The following FMO1 variants were observed in gnomAD, a reference collection of about 807,000 sequenced individuals.
FMO1 encodes the protein flavin containing dimethylaniline monoxygenase 1, also known as flavin-containing monooxygenase 1.
FMO1 carries 36 observed loss-of-function variants against 45.4 expected under a neutral mutation model. The observed-to-expected ratio is 0.79, with a 90% CI of 0.61 to 1.05. The LOEUF is 1.05. Ranked by LOEUF, FMO1 falls within the 50% of genes least tolerant of loss-of-function variation. The pLI is 0.00. For missense variants in FMO1, 615 were observed against 640.3 expected (o/e 0.96, Z 0.43); for synonymous variants, 228 against 227.2 (o/e 1.00, Z -0.03).
chr1:171,270,445 T>C (rs1660802257), intron 3 of FMO1: 1 of 281,972 alleles, frequency 3.5e-6, no homozygotes, highest in African/African-American at 2.3e-5. Context: ...AAGCAAAGAC[T>C]AGCTTCCCCT....
At position 171,279,435 on chromosome 1, in the gene FMO1, A is replaced by T. The variant is rs1231282867; in HGVS notation, c.627+564A>T. ...GTACTGTTAGTATCCTTGACTGCAC[A>T]TGAGGAAACCAAGGCTTAGAGAAGT... On this transcript the variant is annotated intron_variant, in intron 5 of 8. Coordinates refer to ENST00000617670, the MANE Select transcript of FMO1 (RefSeq NM_001282693.2). Among the ~76,000 whole-genome samples, 3 of 152,306 alleles carry T rather than the reference A, an allele frequency of 2.0e-5. No homozygotes were observed. The East Asian group carries it at 5.8e-4, about 29-fold the overall frequency.
At chr1:171,270,584 T>C (rs746261589) in intron 3 of FMO1, 11 of 986,262 alleles carry the variant, frequency 1.1e-5, no homozygotes, top group Non-Finnish European at 1.3e-5. Flanking sequence ...CAGAGTGGTA[T>C]TCAGTTAACA....
chr1:171,276,421 A>G (rs917596810), intron 4 of FMO1, among the ~76,000 whole-genome samples: 2 of 152,220 alleles, frequency 1.3e-5, no homozygotes, highest in African/African-American at 4.8e-5. Flanking sequence ...GAGAGGCTCC[A>G]TAGCCTCTTC....
chr1:171,282,142 A>G lies in FMO1; in HGVS notation c.992A>G (p.Tyr331Cys). 1 of 1,614,012 alleles carries G rather than the reference A, an allele frequency of 6.2e-7. No individual in the cohort carries two copies. Among genetic ancestry groups the G allele is most frequent in the Non-Finnish European group, 8.5e-7 (1 of 1,179,898 alleles). The change falls in exon 7 of 9, where the codon TAC becomes TGC. Residue 331 changes from tyrosine (Y) to cysteine (C), a missense_variant. Coordinates refer to ENST00000617670, the MANE Select transcript of FMO1 (RefSeq NM_001282693.2). ...GACATCATTGTCTTTGCCACTGGAT[A>G]CACATTTGCTTTCCCCTTCCTTGAT... ...PIDIIVFATGYTFAFPFLDES... is the reference protein window; with the variant it reads ...PIDIIVFATGCTFAFPFLDES...
At chr1:171,250,885 A>C (rs912794059) in intron 1 of FMO1, among the ~76,000 whole-genome samples, 5 of 152,300 alleles carry the variant, frequency 3.3e-5, no homozygotes, top group East Asian at 3.9e-4. Context: ...GGAATGGCCA[A>C]ATTTTTATTA....
At chr1:171,251,992 C>G (rs1659918134) in intron 1 of FMO1, among the ~76,000 whole-genome samples, 4 of 152,030 alleles carry the variant, frequency 2.6e-5, no homozygotes, top group African/African-American at 9.7e-5. Context: ...CAATAAACAG[C>G]GGTGGCATGT....
At chr1:171,283,055 G>A in intron 7 of FMO1, 89 bp from the exon 8 acceptor site, 1 of 747,768 alleles carries the variant, frequency 1.3e-6, no homozygotes, top group South Asian at 1.6e-5. Context: ...AGACGTGAAA[G>A]GAGAGCCATA....
At position 171,271,301 on chromosome 1, in the gene FMO1, T is replaced by A. The variant is rs113541403; in HGVS notation, c.321+3570T>A. 2.3e-5 allele frequency: 31 copies of A among 1,325,514 alleles called. 2 individuals carry two copies. The highest frequency in any genetic ancestry group is 1.3e-4 in the African/African-American group (9 of 68,148). The allele number at this position is 1,325,514 out of a possible 1,614,324, so 82.1% of individuals were successfully genotyped here. A position where few individuals can be genotyped will look rare whatever the true frequency, so the allele number is the denominator to read the frequency against. On this transcript the variant is annotated intron_variant, in intron 3 of 8. Coordinates refer to ENST00000617670, the MANE Select transcript of FMO1 (RefSeq NM_001282693.2). The stretch of plus-strand genomic sequence containing the variant: ...AACAGGAAAAAGGCTGAAGGAGGCC[T>A]CTTGGGTGCATTGGGATCCTTGAAC...
chr1:171,261,292 T>C (rs1188897495), intron 2 of FMO1, among the ~76,000 whole-genome samples: 1 of 150,916 alleles, frequency 6.6e-6, no homozygotes, highest in East Asian at 1.9e-4. Context: ...CTAGAGACAT[T>C]CCTTTCCCTC....
intron 8 of FMO1, 30 bp from the exon 9 acceptor site, chr1:171,285,172 A>C: frequency 6.9e-7 from 1 of 1,439,522 alleles, no homozygotes; most frequent in Non-Finnish European, 9.4e-7. Context: ...TTTTGTCTTC[A>C]CCTTTTCCCC....
intron 3 of FMO1, among the ~76,000 whole-genome samples, chr1:171,273,575 T>C (rs1660965159): frequency 6.6e-6 from 1 of 152,246 alleles, no homozygotes; most frequent in South Asian, 2.1e-4. Flanking sequence ...TGGCAGGATC[T>C]TATCTCACTG....
chr1:171,271,455 C>T (rs1410991862), intron 3 of FMO1: 12 of 990,020 alleles, frequency 1.2e-5, no homozygotes, highest in Non-Finnish European at 2.0e-5. Context: ...CCTCTCTGAG[C>T]CTTTCTTAGA....
chr1:171,280,245 T>C (rs1661296765), intron 5 of FMO1, among the ~76,000 whole-genome samples: 1 of 152,242 alleles, frequency 6.6e-6, no homozygotes, highest in Non-Finnish European at 1.5e-5. Flanking sequence ...ATTTTCTTTG[T>C]AAACAATTGT....
At chr1:171,275,299 AATGGAAC>A (rs770994739) in intron 3 of FMO1, 40 bp from the exon 4 acceptor site, 1 of 1,522,620 alleles carries the variant, frequency 6.6e-7, no homozygotes, top group Non-Finnish European at 9.1e-7. Flanking sequence ...GCAAGTGCTT[AATGGAAC>A]ATTGACAACT....
At chr1:171,284,886 G>A (rs1051400028) in intron 8 of FMO1, among the ~76,000 whole-genome samples, 1 of 151,882 alleles carries the variant, frequency 6.6e-6, no homozygotes, top group South Asian at 2.1e-4. Context: ...CTGAATAATG[G>A]AATTTTATAA....
At chr1:171,282,523 C>A in intron 7 of FMO1, 190 bp downstream of exon 7, 3 of 483,830 alleles carry the variant, frequency 6.2e-6, no homozygotes, top group South Asian at 4.7e-5. Context: ...AATGGTATAT[C>A]AGGGTCAAAA....
rs930797661 is a variant in FMO1, at chr1:171,261,706, A to G, written c.132+3487A>G. 3.3e-5 allele frequency among the ~76,000 whole-genome samples: 5 copies of G among 152,296 alleles called. No homozygotes were observed. The East Asian group carries it at 9.7e-4, about 29-fold the overall frequency. ...CAAGACCTGCCTGGGCAATATAACA[A>G]GACCCCGTTCCGTTCTCCATAAAAA... On this transcript the variant is annotated intron_variant, in intron 2 of 8. Transcript: ENST00000617670.
intron 1 of FMO1, among the ~76,000 whole-genome samples, chr1:171,250,453 CG>C (rs1369705724): frequency 1.3e-5 from 2 of 152,122 alleles, no homozygotes; most frequent in Non-Finnish European, 2.9e-5. Context: ...CTCAGAGTGC[CG>C]CTGCAGTTTG....
At position 171,271,202 on chromosome 1, in the gene FMO1, C is replaced by A. The variant is rs879130316; in HGVS notation, c.321+3471C>A. On this transcript the variant is annotated intron_variant, in intron 3 of 8. Coordinates refer to ENST00000617670, the MANE Select transcript of FMO1 (RefSeq NM_001282693.2). ...GCAGCAGTGTTATTCCACATCTCTC[C>A]CAGTTTCTTCACGACATCACTAATG... The A allele has an allele frequency of 2.4e-5, 21 of 872,596 alleles. No homozygotes were observed. The African/African-American group carries it at 3.5e-4, about 15-fold the overall frequency. 54.1% of individuals were successfully genotyped at this position (872,596 alleles called of 1,614,324 possible).
Sources: gnomAD v4.1 joint callset for allele counts (sites outside exome capture counted in the v4.1 genomes callset) on GRCh38, gnomAD v4.1.1 for gene constraint, MANE v1.5 for transcripts, NCBI Gene and HGNC (gene_info 2026-07-23, HGNC 2026-07-21) for gene names.